Variants in CSN2 observed in about 807,000 individuals in gnomAD.
CSN2 encodes beta-casein.
In CSN2, 27 loss-of-function variants were observed where a neutral mutation model predicts 27.3. The ratio of observed to expected loss-of-function variants is 0.99; its 90% CI spans 0.73 to 1.36. CSN2 has a LOEUF of 1.36. CSN2 is among the 40% of genes most tolerant of loss of function. The pLI is 0.00. For missense variants in CSN2, 333 were observed against 264.5 expected (o/e 1.26, Z -1.80); for synonymous variants, 131 against 94.8 (o/e 1.38, Z -2.22).
rs567888173 is a variant in CSN2, at chr4:69,956,503, AAAAT to A, written c.676-152_676-149del. ...ACCAGATGTGAAGTAAGGCTTGTGT[AAAAT>A]AAATAAATAAATAAATAAATAAATA... On this transcript the variant is annotated intron_variant, in intron 6 of 7. Coordinates refer to ENST00000353151, the MANE Select transcript of CSN2 (RefSeq NM_001891.4). 3.4e-3 allele frequency: 1,751 copies of A among 515,570 alleles called. 3 individuals are homozygous for A. Among genetic ancestry groups the A allele is most frequent in the African/African-American group, 6.6e-3 (330 of 50,322 alleles). 31.9% of individuals were successfully genotyped at this position (515,570 alleles called of 1,614,324 possible). A position where few individuals can be genotyped will look rare whatever the true frequency, so the allele number is the denominator to read the frequency against.
At chr4:69,959,158 G>A (rs1395045990) in intron 3 of CSN2, 89 bp from the exon 4 acceptor site, 5 of 936,988 alleles carry the variant, frequency 5.3e-6, no homozygotes, top group Non-Finnish European at 6.2e-6. Context: ...TTAATTCTTT[G>A]ATAATATCAT....
At chr4:69,960,606 T>A (rs552428153) in intron 2 of CSN2, among the ~76,000 whole-genome samples, 29 of 152,154 alleles carry the variant, frequency 1.9e-4, no homozygotes, top group Admixed American at 9.2e-4. Context: ...ATACATTTTA[T>A]CACTGGAATA....
chr4:69,962,898 A>G (rs954488917), intron 1 of CSN2, among the ~76,000 whole-genome samples: 1 of 152,114 alleles, frequency 6.6e-6, no homozygotes, highest in Non-Finnish European at 1.5e-5. Flanking sequence ...AGAAAAAAAC[A>G]AACAACCCCA....
rs1425344004 is a variant in CSN2 at position 69,960,049 on chromosome 4, TTACC to T, written c.78_78+3del. The stretch of plus-strand genomic sequence containing the variant: ...TTCTAAAATTGGGTAGAATGTTAAC[TTACC>T]TCACTGCTTGAAAGGCTTTCTATGG... On this transcript the variant is annotated splice_donor_variant and splice_donor_region_variant and coding_sequence_variant and intron_variant, in exon 3 of 8. Transcript: ENST00000353151. LOFTEE classifies it high-confidence loss of function. 1 of 1,611,522 alleles carries T rather than the reference TTACC, an allele frequency of 6.2e-7. No individual in the cohort carries two copies. The highest frequency in any genetic ancestry group is 1.1e-5 in the South Asian group (1 of 90,926).
chr4:69,965,642 TAGG>T (rs1723784388), intron 1 of CSN2, among the ~76,000 whole-genome samples, 36 bp downstream of exon 1: 1 of 151,700 alleles, frequency 6.6e-6, no homozygotes, highest in Non-Finnish European at 1.5e-5. Context: ...AATACATGGT[TAGG>T]AGAAGATACA....
intron 2 of CSN2, 40 bp downstream of exon 2, chr4:69,960,905 T>C (rs768530446): frequency 1.3e-6 from 2 of 1,541,158 alleles, no homozygotes; most frequent in Non-Finnish European, 1.8e-6. Flanking sequence ...TATAGTCCAC[T>C]ATTTATTGAT....
intron 2 of CSN2, among the ~76,000 whole-genome samples, chr4:69,960,426 T>C (rs182582092): frequency 8.0e-5 from 12 of 150,844 alleles, no homozygotes; most frequent in African/African-American, 2.9e-4. Context: ...AAAGACAGAG[T>C]TTTTTATGGG....
chr4:69,962,483 G>A (rs1443859491), intron 1 of CSN2, among the ~76,000 whole-genome samples: 1 of 152,156 alleles, frequency 6.6e-6, no homozygotes, highest in Non-Finnish European at 1.5e-5. Context: ...AAGCAATGGG[G>A]AAAGGATTCC....
chr4:69,957,391 G>T lies in CSN2; in HGVS notation c.558C>A (p.Tyr186Ter), dbSNP rs931071384. 1.9e-5 allele frequency: 31 copies of T among 1,613,680 alleles called. No individual in the cohort carries two copies. The highest frequency in any genetic ancestry group is 2.5e-5 in the Non-Finnish European group (30 of 1,179,908). The stretch of plus-strand genomic sequence containing the variant: ...CTTGAACAGGCACAGCTCTCTGAGG[G>T]TAGGGCACCACTTGCTGGGGGATAG... ...VLPIPQQVVP[Y>*]PQRAVPVQAL... The change falls in exon 6 of 8, where the codon TAC (tyrosine) becomes TAA (stop). Residue 186 changes from tyrosine to a stop codon, truncating the protein, a stop_gained. Transcript: ENST00000353151. LOFTEE classifies it high-confidence loss of function.
At chr4:69,959,134 A>T (rs1007386711) in intron 3 of CSN2, 65 bp from the exon 4 acceptor site, 2 of 1,094,734 alleles carry the variant, frequency 1.8e-6, no homozygotes, top group Non-Finnish European at 2.6e-6. Context: ...AATATAAATC[A>T]GGAAATAAAG....
At chr4:69,957,126 A>G in intron 6 of CSN2, 148 bp downstream of exon 6, 1 of 815,528 alleles carries the variant, frequency 1.2e-6, no homozygotes, top group Non-Finnish European at 1.8e-6. Context: ...CATGTTGTGC[A>G]CATGTACCCT....
intron 2 of CSN2, among the ~76,000 whole-genome samples, chr4:69,960,616 A>G (rs1007356469): frequency 3.3e-5 from 5 of 152,018 alleles, no homozygotes; most frequent in Admixed American, 6.6e-5. Flanking sequence ...TCACTGGAAT[A>G]AGATATATTT....
At chr4:69,961,444 A>G (rs1472319487) in intron 1 of CSN2, among the ~76,000 whole-genome samples, 1 of 152,192 alleles carries the variant, frequency 6.6e-6, no homozygotes, top group East Asian at 1.9e-4. Context: ...AAATCAATAA[A>G]TGTAATCCAG....
Position 69,957,792 on chromosome 4 carries a change from C to G in CSN2, c.157G>C (p.Asp53His), listed in dbSNP as rs749762003. ...DQQQGEDEHQDKIYPSFQPQP... is the reference protein window; with the variant it reads ...DQQQGEDEHQHKIYPSFQPQP... ...GGCTGGAAAGAGGGGTAGATTTTAT[C>G]CTGGTGTTCATCCTGGAAAGAAGGA... The change falls in exon 6 of 8, where the codon GAT becomes CAT. Residue 53 changes from aspartate to histidine, a missense_variant. Asp to His is a moderately conservative substitution (Grantham distance 81). Transcript: ENST00000353151. 1 of 1,612,432 alleles carries G rather than the reference C, an allele frequency of 6.2e-7. No individual in the cohort carries two copies. Among genetic ancestry groups the G allele is most frequent in the Non-Finnish European group, 8.5e-7 (1 of 1,178,938 alleles).
Position 69,957,467 on chromosome 4 carries a change from A to T in CSN2, c.482T>A (p.Leu161His), listed in dbSNP as rs1302719302. 2.5e-6 allele frequency: 4 copies of T among 1,613,732 alleles called. No individual in the cohort carries two copies. The highest frequency in any genetic ancestry group is 3.4e-6 in the Non-Finnish European group (4 of 1,179,990). ...CCACAGGGGCTGAGGGGGAAGTGCA[A>T]GAGTCTGAGGAATAGGCTGAGGGAC... ...QQVPQPIPQT[L>H]ALPPQPLWSV... is the part of the protein sequence containing the mutation. Residue 161 changes from leucine to histidine, a missense_variant, in exon 6 of 8, where the codon CTT (leucine) becomes CAT (histidine). Physicochemically the swap from Leu to His is moderately conservative, Grantham distance 99 (BLOSUM62 -3). Coordinates refer to ENST00000353151, the MANE Select transcript of CSN2 (RefSeq NM_001891.4).
chr4:69,961,115 A>G (rs934064476), intron 1 of CSN2, 108 bp from the exon 2 acceptor site: 53 of 620,894 alleles, frequency 8.5e-5, no homozygotes, highest in Admixed American at 3.1e-4. Flanking sequence ...GAGATAATAT[A>G]TAACAAAAAT....
Position 69,957,304 on chromosome 4 carries a change from C to T in CSN2, c.645G>A (p.Gln215=), listed in dbSNP as rs1230420935. ...TGGGGTTATGAACTGGGGCAAGTGG[C>T]TGAGTCACAGGGTAGATCTGGTGGG... The part of the protein sequence containing the change: ...NPTHQIYPVT[Q]PLAPVHNPIS... Residue 215 remains glutamine, a synonymous_variant, in exon 6 of 8, where the codon CAG becomes CAA. Transcript: ENST00000353151. The T allele has an allele frequency of 6.3e-7, 1 of 1,575,152 alleles. No homozygotes were observed. Among genetic ancestry groups the T allele is most frequent in the Admixed American group, 1.8e-5 (1 of 55,050 alleles).
At position 69,958,958 on chromosome 4, in the gene CSN2, A is replaced by G. The variant is rs1223200191; in HGVS notation, c.100-5T>C. 1.3e-6 allele frequency: 2 copies of G among 1,595,184 alleles called. No individual in the cohort carries two copies. The highest frequency in any genetic ancestry group is 1.1e-5 in the South Asian group (1 of 89,292). On this transcript the variant is annotated splice_region_variant and splice_polypyrimidine_tract_variant and intron_variant, in intron 4 of 7. Transcript: ENST00000353151. Reference sequence around the variant, plus strand: ...TTTAACCTTCTCAACTTTCTGCTAAAGATATATCATATATAAAGATATGTT... The same window carrying G: ...TTTAACCTTCTCAACTTTCTGCTAAGGATATATCATATATAAAGATATGTT...
intron 1 of CSN2, among the ~76,000 whole-genome samples, chr4:69,963,066 C>T (rs904442299): frequency 6.6e-6 from 1 of 151,854 alleles, no homozygotes; most frequent in Non-Finnish European, 1.5e-5. Context: ...GAATGGCGAT[C>T]ATTAAAAAGT....
Sources: gnomAD v4.1 joint callset for allele counts (sites outside exome capture counted in the v4.1 genomes callset) on GRCh38, gnomAD v4.1.1 for gene constraint, MANE v1.5 for transcripts, NCBI Gene and HGNC (gene_info 2026-07-23, HGNC 2026-07-21) for gene names.